Variants in CAGE1 observed in about 807,000 individuals in gnomAD.
The protein encoded by CAGE1 is cancer-associated gene 1 protein.
Under a neutral mutation model 94.9 loss-of-function variants are expected in CAGE1, and 66 were observed. That is an observed-to-expected ratio of 0.70 (90% CI 0.57 to 0.85). CAGE1 has a LOEUF of 0.85. Among genes scored for constraint, CAGE1 ranks in the 40% least tolerant of loss-of-function variants. The pLI is 0.00. For synonymous variants in CAGE1, 319 were observed against 321.0 expected, an observed-to-expected ratio of 0.99 and a Z score of 0.07; for missense variants, 865 against 950.4, an observed-to-expected ratio of 0.91 and a Z score of 1.18.
intron 11 of CAGE1, among the ~76,000 whole-genome samples, chr6:7,345,280 A>G (rs1759422071): frequency 6.6e-6 from 1 of 152,336 alleles, no homozygotes; most frequent in South Asian, 2.1e-4. Context: ...GAGTTGCAGC[A>G]CTGACTGTTA....
chr6:7,386,610 T>C (rs1761128041), intron 2 of CAGE1, among the ~76,000 whole-genome samples: 1 of 152,124 alleles, frequency 6.6e-6, no homozygotes, highest in Non-Finnish European at 1.5e-5. Context: ...TGTGTAAAAA[T>C]GTACCTTGCT....
chr6:7,378,427 AAC>A (rs1294521465), intron 4 of CAGE1, among the ~76,000 whole-genome samples, 188 bp downstream of exon 4: 7 of 152,102 alleles, frequency 4.6e-5, no homozygotes, highest in South Asian at 2.1e-4. Flanking sequence ...TAGGTGATTT[AAC>A]ACTACTTGGA....
intron 9 of CAGE1, among the ~76,000 whole-genome samples, chr6:7,356,752 T>C (rs2113412133): frequency 6.6e-6 from 1 of 152,328 alleles, no homozygotes; most frequent in Non-Finnish European, 1.5e-5. Flanking sequence ...AGAAAAACTA[T>C]AAACATGAAA....
rs1761262358 is a variant in CAGE1 at position 7,389,525 on chromosome 6, C to A, written c.-347G>T. On this transcript the variant is annotated 5_prime_UTR_variant, in exon 1 of 14. Transcript: ENST00000502583. The stretch of plus-strand genomic sequence containing the variant: ...ACCCTACTGTGGGTGCGGTGTCTTC[C>A]CAGAGAGTGGTGAAGTTAGGAAGGT... 2.8e-6 allele frequency: 1 copy of A among 353,196 alleles called. No homozygotes were observed. Among genetic ancestry groups the A allele is most frequent in the Non-Finnish European group, 5.6e-6 (1 of 177,846 alleles). The allele number at this position is 353,196 out of a possible 1,614,324, so 21.9% of individuals were successfully genotyped here. A position where few individuals can be genotyped will look rare whatever the true frequency, so the allele number is the denominator to read the frequency against.
intron 3 of CAGE1, among the ~76,000 whole-genome samples, chr6:7,385,582 C>A (rs1244128359): frequency 2.6e-5 from 4 of 152,184 alleles, no homozygotes; most frequent in African/African-American, 9.7e-5. Context: ...ACTCTCTGAG[C>A]CTTATTTTCC....
chr6:7,387,226 G>A, intron 1 of CAGE1, 30 bp from the exon 2 acceptor site: 1 of 1,383,710 alleles, frequency 7.2e-7, no homozygotes, highest in Non-Finnish European at 9.9e-7. Context: ...CTATTAGTAG[G>A]TATAAACAAA....
At position 7,339,002 on chromosome 6, in the gene CAGE1, C is replaced by A; in HGVS notation, c.2370-4912G>T. The A allele has an allele frequency of 6.2e-7, 1 of 1,606,936 alleles. No homozygotes were observed. The highest frequency in any genetic ancestry group is 8.5e-7 in the Non-Finnish European group (1 of 1,176,834). ...TCTTACCAGTTGGGTCCCAGGGCAG[C>A]ATGATCTTCACCTTGATGCCCAGCA... is the stretch of plus-strand genomic sequence containing the variant. On this transcript the variant is annotated intron_variant, in intron 11 of 13. Transcript: ENST00000502583. The surrounding 1 kb of genome is among the most constrained non-coding windows in gnomAD (Gnocchi z 4.7).
At chr6:7,337,741 C>A (rs1214061408) in intron 11 of CAGE1, among the ~76,000 whole-genome samples, 1 of 152,188 alleles carries the variant, frequency 6.6e-6, no homozygotes, top group Non-Finnish European at 1.5e-5. Flanking sequence ...CAATGCTACA[C>A]TGTTTTGATT....
intron 9 of CAGE1, among the ~76,000 whole-genome samples, chr6:7,361,087 G>A (rs1269504945): frequency 1.3e-5 from 2 of 152,126 alleles, no homozygotes; most frequent in Non-Finnish European, 1.5e-5. Context: ...AAACTTCTTC[G>A]TAGCTAGAAC....
rs145135566 is a variant in CAGE1 at position 7,375,844 on chromosome 6, G to A, written c.688-1713C>T. ...TGAGCTCATCCTTCTGCAGAACCTT[G>A]TATCTTAATGGTTTTTCATTGTTCT... On this transcript the variant is annotated intron_variant, in intron 4 of 13. Transcript: ENST00000502583. 1.1e-4 allele frequency among the ~76,000 whole-genome samples: 17 copies of A among 152,288 alleles called. No individual in the cohort carries two copies. In the East Asian group the frequency reaches 3.1e-3, roughly 28 times the overall value.
Position 7,339,732 on chromosome 6 carries a change from G to A in CAGE1, c.2370-5642C>T, listed in dbSNP as rs555839834. ...GGTCTCCAATTCCATCTAAGTTGCTGTGAATGCCATTATTTCATTCCTTTT... is the reference window on the plus strand; with the variant it reads ...GGTCTCCAATTCCATCTAAGTTGCTATGAATGCCATTATTTCATTCCTTTT... On this transcript the variant is annotated intron_variant, in intron 11 of 13. Coordinates refer to ENST00000502583, the MANE Select transcript of CAGE1 (RefSeq NM_001170692.2). The surrounding 1 kb of genome is among the most constrained non-coding windows in gnomAD (Gnocchi z 4.7). Among the ~76,000 whole-genome samples the A allele has an allele frequency of 3.3e-5, 5 of 152,304 alleles. No homozygotes were observed. Among genetic ancestry groups the A allele is most frequent in the South Asian group, 4.1e-4 (2 of 4,826 alleles).
chr6:7,341,564 C>G, intron 11 of CAGE1: 2 of 1,171,492 alleles, frequency 1.7e-6, no homozygotes, highest in Non-Finnish European at 2.5e-6. Context: ...TTTTTCCTCT[C>G]AGGCCTAGCT....
intron 12 of CAGE1, among the ~76,000 whole-genome samples, chr6:7,330,196 C>T (rs1388327916): frequency 2.6e-5 from 4 of 152,046 alleles, no homozygotes; most frequent in East Asian, 1.9e-4. Context: ...AAGACCAGCC[C>T]TGCCAACATG....
chr6:7,352,749 T>C (rs1363388153), intron 11 of CAGE1, among the ~76,000 whole-genome samples: 3 of 152,046 alleles, frequency 2.0e-5, no homozygotes, highest in African/African-American at 2.4e-5. Flanking sequence ...CAAATACTTA[T>C]AGCCAACTGA....
intron 4 of CAGE1, among the ~76,000 whole-genome samples, chr6:7,375,528 G>C (rs1019229032): frequency 3.9e-5 from 6 of 152,178 alleles, no homozygotes; most frequent in African/African-American, 1.4e-4. Context: ...CTTGAGACCA[G>C]GAGTTGGAGA....
chr6:7,360,298 C>T (rs757886006), intron 9 of CAGE1, among the ~76,000 whole-genome samples: 2 of 152,142 alleles, frequency 1.3e-5, no homozygotes, highest in Non-Finnish European at 2.9e-5. Context: ...TATCCTGCTA[C>T]CACACACCTG....
chr6:7,330,618 A>T (rs1042226759), intron 12 of CAGE1, among the ~76,000 whole-genome samples: 1 of 152,202 alleles, frequency 6.6e-6, no homozygotes, highest in Admixed American at 6.5e-5. Context: ...AAGCAATGCC[A>T]TAATTTTGAG....
intron 13 of CAGE1, among the ~76,000 whole-genome samples, chr6:7,329,639 G>A (rs562817875): frequency 1.3e-5 from 2 of 152,274 alleles, no homozygotes; most frequent in South Asian, 4.1e-4. Context: ...TGGGGATGGT[G>A]TGAAGGAGCC....
rs897176468 is a variant in CAGE1 at position 7,330,450 on chromosome 6, A to G, written c.2439-562T>C. On this transcript the variant is annotated intron_variant, in intron 12 of 13. Coordinates refer to ENST00000502583, the MANE Select transcript of CAGE1 (RefSeq NM_001170692.2). ...CACTCTCACTACATTTAACATTCTCATAGATTTACTTAGGATACGATTCTG... is the reference window on the plus strand; with the variant it reads ...CACTCTCACTACATTTAACATTCTCGTAGATTTACTTAGGATACGATTCTG... Among the ~76,000 whole-genome samples, 4 of 152,206 alleles carry G rather than the reference A, an allele frequency of 2.6e-5. No individual in the cohort carries two copies. The East Asian group carries it at 7.7e-4, about 29-fold the overall frequency.
Sources: gnomAD v4.1 joint callset for allele counts (sites outside exome capture counted in the v4.1 genomes callset) on GRCh38, gnomAD v4.1.1 for gene constraint, Gnocchi (gnomAD v3.1) non-coding constraint, MANE v1.5 for transcripts, NCBI Gene and HGNC (gene_info 2026-07-23, HGNC 2026-07-21) for gene names.